The following YWHAZ variants were observed in gnomAD, a reference collection of about 807,000 sequenced individuals.
YWHAZ encodes the protein 14-3-3 protein zeta/delta.
For missense variants in YWHAZ, 79 were observed against 284.8 expected (o/e 0.28, Z 5.20); for synonymous variants, 87 against 103.6 (o/e 0.84, Z 0.97).
At chr8:100,936,554 T>C (rs1284646694) in intron 2 of YWHAZ, among the ~76,000 whole-genome samples, 1 of 152,100 alleles carries the variant, frequency 6.6e-6, no homozygotes, top group Non-Finnish European at 1.5e-5. Flanking sequence ...GGTGGCTCAC[T>C]CCTTGGGAGG....
chr8:100,952,165 G>A (rs929542505), upstream of YWHAZ: 1 of 985,108 alleles, frequency 1.0e-6, no homozygotes, highest in Non-Finnish European at 1.2e-6. Flanking sequence ...CAGCGATCGG[G>A]GCCCCGCGTA....
chr8:100,937,855 G>A (rs1269693583), intron 2 of YWHAZ, among the ~76,000 whole-genome samples: 1 of 152,224 alleles, frequency 6.6e-6, no homozygotes, highest in Non-Finnish European at 1.5e-5. Context: ...AATCGGCCGG[G>A]TGCAGTGACT....
At chr8:100,938,927 T>C (rs1467905969) in intron 2 of YWHAZ, among the ~76,000 whole-genome samples, 1 of 152,270 alleles carries the variant, frequency 6.6e-6, no homozygotes, top group African/African-American at 2.4e-5. Flanking sequence ...CAATGTGGCC[T>C]AACAGAATAA....
chr8:100,940,684 A>T (rs1385177628), intron 2 of YWHAZ, among the ~76,000 whole-genome samples: 1 of 152,258 alleles, frequency 6.6e-6, no homozygotes, highest in Non-Finnish European at 1.5e-5. Flanking sequence ...GCTATTTAAC[A>T]CCACCACAGG....
intron 2 of YWHAZ, among the ~76,000 whole-genome samples, chr8:100,925,684 G>A (rs1401450105): frequency 6.6e-6 from 1 of 152,092 alleles, no homozygotes; most frequent in East Asian, 1.9e-4. Context: ...TAAGATACAC[G>A]ATTACAGATC....
chr8:100,937,477 C>T (rs543381933), intron 2 of YWHAZ, among the ~76,000 whole-genome samples: 125 of 152,212 alleles, frequency 8.2e-4, no homozygotes, highest in Non-Finnish European at 1.3e-3. Context: ...AATTAGACAT[C>T]GAGTGTCATT....
chr8:100,918,441 T>TATATATATATATATATATATATATAA lies in YWHAZ; in HGVS notation c.*2251_*2252insTTATATATATATATATATATATATAT, dbSNP rs1563661969. The TATATATATATATATATATATATATAA allele has an allele frequency of 8.3e-6, 1 of 120,822 alleles. No homozygotes were observed. Among genetic ancestry groups the TATATATATATATATATATATATATAA allele is most frequent in the Non-Finnish European group, 1.7e-5 (1 of 58,300 alleles). 7.5% of individuals were successfully genotyped at this position (120,822 alleles called of 1,614,324 possible). A position where few individuals can be genotyped will look rare whatever the true frequency, so the allele number is the denominator to read the frequency against. On this transcript the variant is annotated 3_prime_UTR_variant, in exon 6 of 6. Transcript: ENST00000395958. ...ATATATATATATATATATATATATA[T>TATATATATATATATATATATATATAA]ATAATTATTTTACCTCCTTGGCTTG...
chr8:100,942,900 A>G (rs1487704869), intron 2 of YWHAZ, among the ~76,000 whole-genome samples: 1 of 152,228 alleles, frequency 6.6e-6, no homozygotes, highest in Non-Finnish European at 1.5e-5. Context: ...GATGTTTATA[A>G]TTTAGCTTTT....
At position 100,931,142 on chromosome 8, in the gene YWHAZ, C is replaced by T. The variant is rs1017178242; in HGVS notation, c.295-6103G>A. On this transcript the variant is annotated intron_variant, in intron 2 of 5. Transcript: ENST00000395958. ...GAAAACACTTCCAAGAGATGGGGTT[C>T]AAATAACATTTTTCCTCCCAAGCCA... Among the ~76,000 whole-genome samples the T allele has an allele frequency of 2.0e-5, 3 of 152,184 alleles. No homozygotes were observed. The East Asian group carries it at 5.8e-4, about 29-fold the overall frequency.
At chr8:100,920,805 G>C (rs1019743485) in intron 5 of YWHAZ, 53 bp from the exon 6 acceptor site, 7 of 618,824 alleles carry the variant, frequency 1.1e-5, no homozygotes, top group South Asian at 9.3e-5. Context: ...TGGGGGGGGG[G>C]GGGCGTTTTC....
At chr8:100,923,893 C>T (rs1453090607) in intron 5 of YWHAZ, 62 bp downstream of exon 5, 1 of 1,385,528 alleles carries the variant, frequency 7.2e-7, no homozygotes, top group Non-Finnish European at 9.7e-7. Context: ...AAAAAAATTC[C>T]CTAGAGTAAA....
chr8:100,952,760 C>CCCCCG (rs1424224816), upstream of YWHAZ: 17 of 993,302 alleles, frequency 1.7e-5, no homozygotes, highest in East Asian at 3.4e-4. Context: ...GGTGCGCTGC[C>CCCCCG]CCCCGCCCCG....
At chr8:100,932,583 T>C (rs541202364) in intron 2 of YWHAZ, among the ~76,000 whole-genome samples, 32 of 152,338 alleles carry the variant, frequency 2.1e-4, no homozygotes, top group Middle Eastern at 3.4e-3. Flanking sequence ...CTCCAAAGCT[T>C]CAATTTTATC....
intron 2 of YWHAZ, among the ~76,000 whole-genome samples, chr8:100,946,250 C>G (rs947841054): frequency 6.6e-6 from 1 of 152,176 alleles, no homozygotes; most frequent in Non-Finnish European, 1.5e-5. Context: ...AAAACTGCTA[C>G]AAGTTGGGCT....
intron 1 of YWHAZ, chr8:100,951,068 G>A (rs1810721112): frequency 2.9e-6 from 2 of 694,220 alleles, no homozygotes; most frequent in Non-Finnish European, 3.5e-6. Flanking sequence ...TTCACAAGGA[G>A]CAAAAAAAGT....
rs1406932544 is a variant in YWHAZ, at chr8:100,920,496, A to AT, written c.*196dup. The AT allele has an allele frequency of 1.7e-6, 1 of 591,620 alleles. No homozygotes were observed. The highest frequency in any genetic ancestry group is 2.9e-6 in the Non-Finnish European group (1 of 339,178). The allele number at this position is 591,620 out of a possible 1,614,324, so 36.6% of individuals were successfully genotyped here. Reference sequence around the variant, plus strand: ...ATTGGCCACCTCAAGATGAAAACAGATAACTCCCTAAATGTTAACTGGCTC... The same window carrying AT: ...ATTGGCCACCTCAAGATGAAAACAGATTAACTCCCTAAATGTTAACTGGCTC... On this transcript the variant is annotated 3_prime_UTR_variant, in exon 6 of 6. Coordinates refer to ENST00000395958, the MANE Select transcript of YWHAZ (RefSeq NM_145690.3).
intron 5 of YWHAZ, 42 bp from the exon 6 acceptor site, chr8:100,920,794 A>AGGGGG (rs1812952745): frequency 4.1e-5 from 2 of 49,086 alleles, no homozygotes; most frequent in Non-Finnish European, 8.9e-5. Flanking sequence ...TTTCAGTGGG[A>AGGGGG]TGGGGGGGGG....
upstream of YWHAZ, chr8:100,952,855 G>A (rs923706606): frequency 1.0e-6 from 1 of 1,000,262 alleles, no homozygotes; most frequent in Admixed American, 6.1e-5. Context: ...TTTACCTGCT[G>A]GCTCGGGGGA....
chr8:100,943,201 C>T (rs1458085309), intron 2 of YWHAZ, among the ~76,000 whole-genome samples: 1 of 152,168 alleles, frequency 6.6e-6, no homozygotes, highest in Non-Finnish European at 1.5e-5. Flanking sequence ...AAACTGACAG[C>T]AGTTCTAAGT....
Sources: allele counts gnomAD v4.1 joint callset (sites outside exome capture counted in the v4.1 genomes callset), GRCh38; gene constraint gnomAD v4.1.1; transcripts MANE v1.5; gene names NCBI Gene and HGNC (gene_info 2026-07-23, HGNC 2026-07-21).